TBC1D9: variants seen among roughly 807,000 people sequenced by gnomAD.
TBC1D9 encodes the protein TBC1 domain family member 9.
A neutral mutation model predicts 132.0 loss-of-function variants in TBC1D9; 63 were observed. That is an observed-to-expected ratio of 0.48 (90% confidence interval 0.39 to 0.59). The LOEUF (loss-of-function observed/expected upper bound fraction) is 0.59. Ranked by LOEUF, TBC1D9 falls within the 20% of genes least tolerant of loss-of-function variation. The probability of loss-of-function intolerance (pLI) is 0.00; values close to 1 mark genes in which losing one functional copy is unlikely to be tolerated. For synonymous variants in TBC1D9, 610 were observed against 609.9 expected (o/e 1.00, Z 0.00); for missense variants, 1,261 against 1,592.7 (o/e 0.79, Z 3.54).
intron 2 of TBC1D9, among the ~76,000 whole-genome samples, chr4:140,687,334 T>TGTGC (rs1737796342): frequency 8.3e-6 from 1 of 121,110 alleles, no homozygotes; most frequent in South Asian, 3.0e-4. Flanking sequence ...TGTGTGTGTG[T>TGTGC]GTGTGTGTCA....
intron 2 of TBC1D9, among the ~76,000 whole-genome samples, chr4:140,699,686 C>G (rs978528683): frequency 2.6e-5 from 4 of 152,058 alleles, no homozygotes; most frequent in Admixed American, 6.6e-5. Flanking sequence ...CGGGATATGA[C>G]CGACTAACTA....
In TBC1D9 at chr4:140,630,189, G is replaced by T. The variant is rs551212335; in HGVS notation, c.2747-1824C>A. On this transcript the variant is annotated intron_variant, in intron 16 of 20. Coordinates refer to ENST00000442267, the MANE Select transcript of TBC1D9 (RefSeq NM_015130.3). Reference sequence around the variant, plus strand: ...TCAATTTTTTTTCACCAATCATTTTGTAACAGTGAAACAGCAAAAGAACCA... The same window carrying T: ...TCAATTTTTTTTCACCAATCATTTTTTAACAGTGAAACAGCAAAAGAACCA... 3.7e-4 allele frequency among the ~76,000 whole-genome samples: 56 copies of T among 152,062 alleles called. No homozygotes were observed. In the East Asian group the frequency reaches 8.7e-3, roughly 24 times the overall value.
chr4:140,720,295 G>A (rs1218544741), intron 1 of TBC1D9, among the ~76,000 whole-genome samples: 1 of 152,104 alleles, frequency 6.6e-6, no homozygotes, highest in East Asian at 1.9e-4. Context: ...AAAGTTTCTG[G>A]GCTCAGGAGT....
intron 13 of TBC1D9, among the ~76,000 whole-genome samples, chr4:140,647,562 G>A (rs529930041): frequency 2.6e-5 from 4 of 152,190 alleles, no homozygotes; most frequent in African/African-American, 7.2e-5. Context: ...AACTGTGTTG[G>A]AGATAAAGTT....
At chr4:140,658,839 C>T (rs561212679) in intron 11 of TBC1D9, among the ~76,000 whole-genome samples, 1 of 152,046 alleles carries the variant, frequency 6.6e-6, no homozygotes, top group Non-Finnish European at 1.5e-5. Flanking sequence ...CTTCTGGATG[C>T]ATGGTGCCCA....
At chr4:140,708,125 T>G (rs1279981861) in intron 1 of TBC1D9, among the ~76,000 whole-genome samples, 1 of 152,206 alleles carries the variant, frequency 6.6e-6, no homozygotes, top group East Asian at 1.9e-4. Context: ...ATTCTCAATT[T>G]GATGAACATT....
intron 10 of TBC1D9, among the ~76,000 whole-genome samples, chr4:140,661,561 G>C (rs1388796767): frequency 6.6e-6 from 1 of 152,154 alleles, no homozygotes; most frequent in Non-Finnish European, 1.5e-5. Context: ...ATCCAGGAAG[G>C]TCTCCTCCAT....
At chr4:140,660,976 A>G (rs1057112469) in intron 10 of TBC1D9, among the ~76,000 whole-genome samples, 75 of 151,652 alleles carry the variant, frequency 4.9e-4, no homozygotes, top group African/African-American at 1.1e-3. Flanking sequence ...GTGCAGTGGT[A>G]TGATCTCAGC....
rs571088316 is a variant in TBC1D9 at position 140,739,466 on chromosome 4, G to T, written c.130+16450C>A. On this transcript the variant is annotated intron_variant, in intron 1 of 20. Transcript: ENST00000442267. ...TCCAAGCTCTGCCTATGCTACCAGGGTTTCCTCAGGTAAATACTTCTCTGA... is the reference window on the plus strand; with the variant it reads ...TCCAAGCTCTGCCTATGCTACCAGGTTTTCCTCAGGTAAATACTTCTCTGA... Among the ~76,000 whole-genome samples, 112 of 152,158 alleles carry T rather than the reference G, an allele frequency of 7.4e-4. No homozygotes were observed. In the South Asian group the frequency reaches 0.023, roughly 31 times the overall value.
At chr4:140,669,524 A>T in intron 8 of TBC1D9, 110 bp downstream of exon 8, 1 of 1,221,350 alleles carries the variant, frequency 8.2e-7, no homozygotes, top group Non-Finnish European at 1.1e-6. Context: ...CTTAACTTAT[A>T]GGAAAATCTC....
At position 140,755,838 on chromosome 4, in the gene TBC1D9, C is replaced by A. The variant is rs370010179; in HGVS notation, c.130+78G>T. ...CCCCAGGGGACCGGGCGGCGTCTCC[C>A]GAGCCTGCAGCCCAGGCCGCGGGCG... On this transcript the variant is annotated intron_variant, in intron 1 of 20. Coordinates refer to ENST00000442267, the MANE Select transcript of TBC1D9 (RefSeq NM_015130.3). 4 of 1,309,020 alleles carry A rather than the reference C, an allele frequency of 3.1e-6. No individual in the cohort carries two copies. In the African/African-American group the frequency reaches 8.1e-5, roughly 27 times the overall value. 81.1% of individuals were successfully genotyped at this position (1,309,020 alleles called of 1,614,324 possible). A position where few individuals can be genotyped will look rare whatever the true frequency, so the allele number is the denominator to read the frequency against.
At chr4:140,725,336 A>G (rs1470173129) in intron 1 of TBC1D9, among the ~76,000 whole-genome samples, 1 of 152,186 alleles carries the variant, frequency 6.6e-6, no homozygotes, top group Non-Finnish European at 1.5e-5. Flanking sequence ...ACGACCCTGT[A>G]TGGTCTATGC....
intron 16 of TBC1D9, among the ~76,000 whole-genome samples, chr4:140,631,374 C>T (rs1241509427): frequency 6.6e-6 from 1 of 152,032 alleles, no homozygotes. Context: ...AGGCGCCCAC[C>T]AGTACGCCCG....
Position 140,701,530 on chromosome 4 carries a change from G to A in TBC1D9, c.215C>T (p.Ser72Phe). 1 of 1,613,880 alleles carries A rather than the reference G, an allele frequency of 6.2e-7. No individual in the cohort carries two copies. Among genetic ancestry groups the A allele is most frequent in the Non-Finnish European group, 8.5e-7 (1 of 1,179,794 alleles). ...PYRILYQTPD[S>F]LVYWTIACGG... The stretch of plus-strand genomic sequence containing the variant: ...ACAGGCGATGGTCCAGTAGACCAGG[G>A]AGTCTGGAGTCTGGTACAAGATTCG... Residue 72 changes from serine (S) to phenylalanine (F), a missense_variant, in exon 2 of 21, where the codon TCC becomes TTC. By Grantham distance (155) the Ser-to-Phe change is radical (BLOSUM62 -2). This residue lies in a region of TBC1D9 where 550 missense variants were observed against 699.0 expected (regional missense o/e 0.79). Transcript: ENST00000442267.
At chr4:140,686,163 C>A (rs1182956933) in intron 3 of TBC1D9, among the ~76,000 whole-genome samples, 181 bp downstream of exon 3, 1 of 152,154 alleles carries the variant, frequency 6.6e-6, no homozygotes, top group African/African-American at 2.4e-5. Context: ...TTAGAAAATA[C>A]ACACTGAAGT....
chr4:140,630,940 T>C (rs1347002745), intron 16 of TBC1D9, among the ~76,000 whole-genome samples: 2 of 152,182 alleles, frequency 1.3e-5, no homozygotes, highest in Non-Finnish European at 2.9e-5. Context: ...ATCGTGCAAA[T>C]AAGGATGCAA....
intron 18 of TBC1D9, among the ~76,000 whole-genome samples, chr4:140,626,020 A>G (rs1264864494): frequency 6.6e-6 from 1 of 152,234 alleles, no homozygotes; most frequent in Non-Finnish European, 1.5e-5. Context: ...ATGATATTAC[A>G]TGCTATTGGC....
intron 1 of TBC1D9, among the ~76,000 whole-genome samples, chr4:140,710,479 C>A (rs1466689643): frequency 6.6e-6 from 1 of 152,132 alleles, no homozygotes; most frequent in African/African-American, 2.4e-5. Context: ...GAAGCCGTGA[C>A]TTTCATATTT....
rs774443721 is a variant in TBC1D9 at position 140,706,278 on chromosome 4, G to A, written c.131-4664C>T. On this transcript the variant is annotated intron_variant, in intron 1 of 20. Coordinates refer to ENST00000442267, the MANE Select transcript of TBC1D9 (RefSeq NM_015130.3). This position sits in a 1 kb window ranked among gnomAD's most constrained non-coding sequence, Gnocchi z 4.0. ...CCTCCCCGACTCCATTAGTCCTGAC[G>A]CTGGTCCAAAATGAAGCAGAGATCC... Among the ~76,000 whole-genome samples the A allele has an allele frequency of 5.3e-5, 8 of 152,180 alleles. No homozygotes were observed. Among genetic ancestry groups the A allele is most frequent in the Admixed American group, 1.3e-4 (2 of 15,286 alleles).
Sources: gnomAD v4.1 joint callset for allele counts (sites outside exome capture counted in the v4.1 genomes callset) on GRCh38, gnomAD v4.1.1 for gene constraint, gnomAD v4.1.1 regional missense constraint, Gnocchi (gnomAD v3.1) non-coding constraint, MANE v1.5 for transcripts, NCBI Gene and HGNC (gene_info 2026-07-23, HGNC 2026-07-21) for gene names.